Variants in MACF1 observed in about 807,000 individuals in gnomAD.
MACF1 encodes the protein microtubule actin crosslinking factor 1.
In MACF1, 193 loss-of-function variants were observed where a neutral mutation model predicts 854.8. The ratio of observed to expected loss-of-function variants is 0.23; its 90% CI spans 0.20 to 0.25. MACF1 has a LOEUF of 0.25. Ranked by LOEUF, MACF1 falls within the 10% of genes least tolerant of loss-of-function variation. The pLI is 1.00. For missense variants in MACF1, 7,722 were observed against 8,929.1 expected, an observed-to-expected ratio of 0.86 and a Z score of 5.45; for synonymous variants, 3,185 against 3,226.7, an observed-to-expected ratio of 0.99 and a Z score of 0.44.
intron 34 of MACF1, 97 bp downstream of exon 34, chr1:39,324,442 T>G: frequency 7.0e-7 from 1 of 1,420,988 alleles, no homozygotes; most frequent in Non-Finnish European, 9.5e-7. Context: ...ATTCCAGAAG[T>G]GATTGCTACC....
rs779975838 is a variant in MACF1 at position 39,442,683 on chromosome 1, G to T, written c.19105-31G>T. On this transcript the variant is annotated intron_variant, in intron 77 of 100. Transcript: ENST00000564288. ...AGAACCAAGTTAGATGATATCCATA[G>T]AGATAAATTATGTTGTTCAACATGT... The T allele has an allele frequency of 1.2e-5, 19 of 1,612,086 alleles. No individual in the cohort carries two copies. The South Asian group carries it at 2.1e-4, about 18-fold the overall frequency.
intron 96 of MACF1, 140 bp from the exon 97 acceptor site, chr1:39,469,407 T>C (rs142745365): frequency 3.0e-6 from 2 of 675,036 alleles, no homozygotes; most frequent in East Asian, 5.4e-5. Context: ...TTCAGCTATG[T>C]CCTTGCCTTT....
chr1:39,343,654 TATC>T (rs1412123181), intron 40 of MACF1, among the ~76,000 whole-genome samples: 1 of 152,160 alleles, frequency 6.6e-6, no homozygotes, highest in African/African-American at 2.4e-5. Flanking sequence ...TTTCCTAAAT[TATC>T]ATGTTCACAG....
rs1645389233 is a variant in MACF1 at position 39,274,226 on chromosome 1, A to T, written c.529-7982A>T. 1.3e-5 allele frequency among the ~76,000 whole-genome samples: 2 copies of T among 151,862 alleles called. 1 individual carries two copies. Among genetic ancestry groups the T allele is most frequent in the South Asian group, 4.1e-4 (2 of 4,830 alleles). On this transcript the variant is annotated intron_variant, in intron 6 of 100. Transcript: ENST00000564288. ...ATTAAGAAAAAAATTGTATAAAAAT[A>T]AAATGAAATTAAAAAATAAAATTGT...
rs146297503 is a variant in MACF1, at chr1:39,350,899, C to T, written c.11080C>T (p.Leu3694Phe). The part of the protein sequence containing the change: ...TKLSPRELTA[L>F]REKLHQAKEQ... The stretch of plus-strand genomic sequence containing the variant: ...GCTGAGCCCACGTGAGTTGACAGCT[C>T]TTCGGGAAAAGCTTCATCAGGCTAA... Residue 3694 changes from leucine (L) to phenylalanine (F), a missense_variant, in exon 43 of 101, where the codon CTT becomes TTT. Around this residue, in one of 15 missense-constraint regions of MACF1, gnomAD observed 2,807 missense variants for 3,235.8 expected, o/e 0.87. Transcript: ENST00000564288. 103 of 1,614,086 alleles carry T rather than the reference C, an allele frequency of 6.4e-5. No homozygotes were observed. In the African/African-American group the frequency reaches 1.2e-3, roughly 19 times the overall value.
intron 2 of MACF1, among the ~76,000 whole-genome samples, chr1:39,181,681 C>T (rs1056740796): frequency 5.9e-5 from 9 of 152,120 alleles, no homozygotes; most frequent in African/African-American, 2.2e-4. Flanking sequence ...GTAATTAAGA[C>T]AGGATGGTAC....
rs1355929151 is a variant in MACF1, at chr1:39,357,622, G to A, written c.11672G>A (p.Ser3891Asn). 2 of 1,614,150 alleles carry A rather than the reference G, an allele frequency of 1.2e-6. No individual in the cohort carries two copies. The highest frequency in any genetic ancestry group is 1.1e-5 in the South Asian group (1 of 91,080). Residue 3891 changes from serine (S) to asparagine (N), a missense_variant, in exon 45 of 101, where the codon AGC (serine) becomes AAC (asparagine). Physicochemically the swap from Ser to Asn is conservative, Grantham distance 46. This residue lies in a region of MACF1 where 2,807 missense variants were observed against 3,235.8 expected (regional missense o/e 0.87). Transcript: ENST00000564288. ...KFLQDHKEFE[S>N]WLERSEKELE... ...CTGCAGGATCATAAAGAGTTTGAAAGCTGGTTGGAACGATCCGAGAAAGAG... is the reference window on the plus strand; with the variant it reads ...CTGCAGGATCATAAAGAGTTTGAAAACTGGTTGGAACGATCCGAGAAAGAG...
intron 42 of MACF1, 23 bp from the exon 43 acceptor site, chr1:39,350,747 AGTCGAAGGCTCTGCC>A: frequency 6.7e-7 from 1 of 1,497,336 alleles, no homozygotes; most frequent in Non-Finnish European, 9.3e-7. Flanking sequence ...GAAGCACTAA[AGTCGAAGGCTCTGCC>A]ATTCCTATTT....
intron 55 of MACF1, 87 bp downstream of exon 55, chr1:39,380,460 A>ACT (rs1413629347): frequency 1.5e-6 from 2 of 1,335,464 alleles, no homozygotes. Context: ...ATAAAACAGG[A>ACT]ATTATTTTTA....
intron 36 of MACF1, among the ~76,000 whole-genome samples, chr1:39,329,070 C>T (rs1646668940): frequency 6.6e-6 from 1 of 152,188 alleles, no homozygotes; most frequent in Non-Finnish European, 1.5e-5. Flanking sequence ...TCAGTTATCA[C>T]ATTCCAGTGA....
intron 2 of MACF1, among the ~76,000 whole-genome samples, chr1:39,248,446 C>G (rs187445650): frequency 6.6e-6 from 1 of 152,086 alleles, no homozygotes; most frequent in Non-Finnish European, 1.5e-5. Context: ...CTAAAGCAGT[C>G]CTCCTGTCTC....
chr1:39,290,665 CTTT>C (rs71060307), intron 15 of MACF1, among the ~76,000 whole-genome samples: 17 of 59,376 alleles, frequency 2.9e-4, no homozygotes, highest in African/African-American at 5.8e-4. Context: ...GTTGATGTAA[CTTT>C]TTTTTTTTTT....
chr1:39,380,255 T>A lies in MACF1; in HGVS notation c.13530T>A (p.Ala4510=). The change falls in exon 55 of 101, where the codon GCT becomes GCA. Residue 4510 remains alanine, a synonymous_variant. Coordinates refer to ENST00000564288, the MANE Select transcript of MACF1 (RefSeq NM_001394062.1). ...AQAESNKAFL[A]ELEQNSPKIQ... is the part of the protein sequence containing the mutation. ...ATTCTTTCTCCTAGGCCTTCCTGGC[T>A]GAGTTGGAACAGAATTCTCCAAAAA... is the stretch of plus-strand genomic sequence containing the variant. The A allele has an allele frequency of 1.2e-6, 2 of 1,613,272 alleles. No homozygotes were observed. Among genetic ancestry groups the A allele is most frequent in the Admixed American group, 1.7e-5 (1 of 59,864 alleles).
At chr1:39,408,942 G>A (rs940054367) in intron 58 of MACF1, among the ~76,000 whole-genome samples, 1 of 148,544 alleles carries the variant, frequency 6.7e-6, no homozygotes, top group African/African-American at 2.5e-5. Flanking sequence ...CCCCCGCCGG[G>A]CCCCGCCCCC....
chr1:39,259,450 T>C (rs1037970510), intron 6 of MACF1, among the ~76,000 whole-genome samples: 7 of 151,980 alleles, frequency 4.6e-5, no homozygotes, highest in Non-Finnish European at 1.5e-5. Context: ...TTAGTAGAGA[T>C]AGAGTTTCAC....
chr1:39,303,552 CAA>C (rs541776198), intron 23 of MACF1, among the ~76,000 whole-genome samples: 1 of 138,826 alleles, frequency 7.2e-6, no homozygotes, highest in Non-Finnish European at 1.6e-5. Flanking sequence ...GACTCTGTCT[CAA>C]AAAAAAAAAA....
At position 39,486,502 on chromosome 1, in the gene MACF1, T is replaced by C. The variant is rs1035132069; in HGVS notation, c.*708T>C. ...AGAACATTTGGGGTTTTAAACTGAT[T>C]TGTTGCTCCCTATCCAGCCTAGACA... is the stretch of plus-strand genomic sequence containing the variant. On this transcript the variant is annotated 3_prime_UTR_variant, in exon 101 of 101. Transcript: ENST00000564288. 1 of 152,632 alleles carries C rather than the reference T, an allele frequency of 6.6e-6. No homozygotes were observed. Among genetic ancestry groups the C allele is most frequent in the African/African-American group, 2.4e-5 (1 of 41,450 alleles). 9.5% of individuals were successfully genotyped at this position (152,632 alleles called of 1,614,324 possible).
At chr1:39,198,426 G>T (rs544298144) in intron 2 of MACF1, among the ~76,000 whole-genome samples, 1 of 151,960 alleles carries the variant, frequency 6.6e-6, no homozygotes, top group South Asian at 2.1e-4. Context: ...GCTGAGGCGG[G>T]TGGATCATGA....
chr1:39,098,726 A>G (rs2148128395), intron 2 of MACF1, among the ~76,000 whole-genome samples: 1 of 152,196 alleles, frequency 6.6e-6, no homozygotes, highest in East Asian at 1.9e-4. Flanking sequence ...AACCATTTTG[A>G]GGGTTGCTAT....
Sources: gnomAD v4.1 joint callset for allele counts (sites outside exome capture counted in the v4.1 genomes callset) on GRCh38, gnomAD v4.1.1 for gene constraint, gnomAD v4.1.1 regional missense constraint, MANE v1.5 for transcripts, NCBI Gene and HGNC (gene_info 2026-07-23, HGNC 2026-07-21) for gene names.